The following PLXDC2 variants were observed in gnomAD, a reference collection of about 807,000 sequenced individuals.
PLXDC2 encodes the protein plexin domain containing 2.
A neutral mutation model predicts 68.9 loss-of-function variants in PLXDC2; 40 were observed. That is an observed-to-expected ratio of 0.58 (90% confidence interval 0.45 to 0.76). The LOEUF (loss-of-function observed/expected upper bound fraction) is 0.76, where lower values mean the gene tolerates loss of function less well. Ranked by LOEUF, PLXDC2 falls within the 30% of genes least tolerant of loss-of-function variation. The pLI is 0.00. For synonymous variants in PLXDC2, 243 were observed against 234.2 expected (o/e 1.04, Z -0.34); for missense variants, 644 against 661.9 (o/e 0.97, Z 0.30).
rs1365684150 is a variant in PLXDC2 at position 20,085,003 on chromosome 10, TC to T, written c.541+16765del. On this transcript the variant is annotated intron_variant, in intron 4 of 13. Transcript: ENST00000377252. ...CAGTGTCTTTCCTATGCAATAAATA[TC>T]TTGCCTTTTTCATATGTAAATGGCA... 3.9e-5 allele frequency among the ~76,000 whole-genome samples: 6 copies of T among 152,152 alleles called. No individual in the cohort carries two copies. The East Asian group carries it at 1.2e-3, about 29-fold the overall frequency.
chr10:20,033,814 A>G (rs943745773), intron 2 of PLXDC2, among the ~76,000 whole-genome samples: 2 of 152,168 alleles, frequency 1.3e-5, no homozygotes, highest in African/African-American at 4.8e-5. Flanking sequence ...CATATCATGC[A>G]TATATTTGTA....
intron 4 of PLXDC2, among the ~76,000 whole-genome samples, chr10:20,085,151 C>G (rs1833173414): frequency 1.4e-5 from 2 of 140,268 alleles, no homozygotes; most frequent in Admixed American, 1.4e-4. Flanking sequence ...TAGTACCAAG[C>G]TCTCATCTGT....
intron 9 of PLXDC2, among the ~76,000 whole-genome samples, chr10:20,182,495 T>C (rs1436924289): frequency 6.6e-6 from 1 of 152,026 alleles, no homozygotes. Flanking sequence ...ACTATTTGCC[T>C]GTAGATGAAG....
intron 4 of PLXDC2, among the ~76,000 whole-genome samples, chr10:20,088,790 A>G (rs1039780406): frequency 5.9e-5 from 9 of 152,218 alleles, no homozygotes; most frequent in Non-Finnish European, 2.9e-5. Context: ...GATTAATATT[A>G]TACTTTAAGT....
At chr10:20,203,761 C>A (rs1010577510) in intron 9 of PLXDC2, among the ~76,000 whole-genome samples, 2 of 152,144 alleles carry the variant, frequency 1.3e-5, no homozygotes, top group Non-Finnish European at 2.9e-5. Flanking sequence ...GGAAAACCTG[C>A]ACCTCTGCAA....
intron 4 of PLXDC2, among the ~76,000 whole-genome samples, chr10:20,118,920 C>CTT (rs34396697): frequency 1.2e-3 from 168 of 139,942 alleles, no homozygotes; most frequent in South Asian, 3.6e-3. Flanking sequence ...ACATTGAAGC[C>CTT]TTTTTTTTTT....
chr10:20,191,470 T>A (rs1834763589), intron 9 of PLXDC2, among the ~76,000 whole-genome samples: 1 of 151,838 alleles, frequency 6.6e-6, no homozygotes. Flanking sequence ...TGTCTTCTGA[T>A]CACCGAGAAG....
At chr10:20,115,297 C>G (rs1290708251) in intron 4 of PLXDC2, among the ~76,000 whole-genome samples, 12 of 152,192 alleles carry the variant, frequency 7.9e-5, no homozygotes, top group African/African-American at 2.7e-4. Context: ...AGCTTGTCCT[C>G]TTCCTTTTGC....
intron 1 of PLXDC2, among the ~76,000 whole-genome samples, chr10:19,937,729 ACT>A (rs1833750068): frequency 6.6e-6 from 1 of 151,718 alleles, no homozygotes; most frequent in Non-Finnish European, 1.5e-5. Context: ...TTCTTGCCAC[ACT>A]CTGTGGCAGG....
At chr10:20,269,163 T>A (rs145632786) in intron 13 of PLXDC2, among the ~76,000 whole-genome samples, 4 of 152,342 alleles carry the variant, frequency 2.6e-5, no homozygotes, top group African/African-American at 9.6e-5. Flanking sequence ...AACTATTCTG[T>A]ATATGTCTGT....
chr10:19,847,759 A>G (rs966779099), intron 1 of PLXDC2, among the ~76,000 whole-genome samples: 2 of 152,206 alleles, frequency 1.3e-5, no homozygotes, highest in South Asian at 2.1e-4. Context: ...ATTTACGTGC[A>G]TGATTATGTT....
In PLXDC2 at chr10:19,965,238, A is replaced by G. The variant is rs78324189; in HGVS notation, c.113-36537A>G. 1.2e-4 allele frequency among the ~76,000 whole-genome samples: 18 copies of G among 152,302 alleles called. No individual in the cohort carries two copies. The East Asian group carries it at 2.7e-3, about 23-fold the overall frequency. On this transcript the variant is annotated intron_variant, in intron 1 of 13. Coordinates refer to ENST00000377252, the MANE Select transcript of PLXDC2 (RefSeq NM_032812.9). ...GTTTCTATCACTGGGCACTGAAATC[A>G]GCTGACTTAGCTGTGATTAATGTGA...
rs1235836557 is a variant in PLXDC2 at position 20,158,662 on chromosome 10, C to CAAAT, written c.784-5799_784-5796dup. ...TGGGCAACAGAATGAGACTCTGTCT[C>CAAAT]AAATAAATAAGTAAATAAATAAATA... On this transcript the variant is annotated intron_variant, in intron 6 of 13. Coordinates refer to ENST00000377252, the MANE Select transcript of PLXDC2 (RefSeq NM_032812.9). Among the ~76,000 whole-genome samples the CAAAT allele has an allele frequency of 2.1e-3, 298 of 144,712 alleles. 2 individuals are homozygous for CAAAT. Among genetic ancestry groups the CAAAT allele is most frequent in the African/African-American group, 7.1e-3 (287 of 40,596 alleles). The allele number at this position is 144,712 out of a possible 152,430, so 94.9% of individuals were successfully genotyped here.
chr10:20,105,736 C>T (rs1833483160), intron 4 of PLXDC2, among the ~76,000 whole-genome samples: 1 of 152,190 alleles, frequency 6.6e-6, no homozygotes, highest in South Asian at 2.1e-4. Flanking sequence ...GGTTGTCAGG[C>T]TCTCAACATC....
chr10:20,040,594 A>C (rs1835666817), intron 2 of PLXDC2, among the ~76,000 whole-genome samples: 1 of 152,142 alleles, frequency 6.6e-6, no homozygotes, highest in African/African-American at 2.4e-5. Flanking sequence ...GGGTGGCCAG[A>C]CTGTAGCTTG....
At chr10:20,032,419 C>A (rs1453039614) in intron 2 of PLXDC2, among the ~76,000 whole-genome samples, 1 of 152,092 alleles carries the variant, frequency 6.6e-6, no homozygotes, top group Admixed American at 6.5e-5. Context: ...TGATGAGAAG[C>A]CTCATTTGAA....
intron 2 of PLXDC2, among the ~76,000 whole-genome samples, chr10:20,023,143 G>C (rs963528701): frequency 1.7e-4 from 8 of 47,168 alleles, no homozygotes; most frequent in African/African-American, 4.5e-4. Context: ...ACAATACAAT[G>C]TTTATATATA....
chr10:20,202,281 C>T (rs1269383451), intron 9 of PLXDC2, among the ~76,000 whole-genome samples: 1 of 152,110 alleles, frequency 6.6e-6, no homozygotes, highest in Non-Finnish European at 1.5e-5. Flanking sequence ...GTTAAATATA[C>T]TTGCTACTAT....
chr10:19,932,679 G>A (rs967376554), intron 1 of PLXDC2, among the ~76,000 whole-genome samples: 3 of 152,090 alleles, frequency 2.0e-5, no homozygotes, highest in African/African-American at 7.2e-5. Flanking sequence ...CATAATCTTT[G>A]GATCGATTAT....
Sources: allele counts gnomAD v4.1 joint callset (sites outside exome capture counted in the v4.1 genomes callset), GRCh38; gene constraint gnomAD v4.1.1; transcripts MANE v1.5; gene names NCBI Gene and HGNC (gene_info 2026-07-23, HGNC 2026-07-21).